The following CMSS1 variants were observed in gnomAD, a reference collection of about 807,000 sequenced individuals.
CMSS1 encodes cms1 ribosomal small subunit homolog.
A neutral mutation model predicts 43.5 loss-of-function variants in CMSS1; 33 were observed. The observed-to-expected ratio is 0.76, with a 90% CI of 0.57 to 1.01. The LOEUF (loss-of-function observed/expected upper bound fraction) is 1.01, where lower values mean the gene tolerates loss of function less well. CMSS1 is among the 50% of genes least tolerant of loss of function. CMSS1 has a pLI of 0.00. For synonymous variants in CMSS1, 115 were observed against 117.2 expected, an observed-to-expected ratio of 0.98 and a Z score of 0.12; for missense variants, 313 against 326.4, an observed-to-expected ratio of 0.96 and a Z score of 0.32.
intron 1 of CMSS1, among the ~76,000 whole-genome samples, chr3:99,979,874 A>G (rs1166012981): frequency 6.6e-6 from 1 of 152,170 alleles, no homozygotes; most frequent in East Asian, 1.9e-4. Context: ...AATTTTGTGT[A>G]TTGTCTTAAA....
chr3:100,060,024 G>C (rs1217756335), intron 1 of CMSS1, among the ~76,000 whole-genome samples: 2 of 151,220 alleles, frequency 1.3e-5, no homozygotes, highest in Non-Finnish European at 2.9e-5. Flanking sequence ...CAGTTTTCCT[G>C]CTGGAGGAGG....
chr3:100,083,493 G>A (rs190064976), intron 1 of CMSS1, among the ~76,000 whole-genome samples: 47 of 152,276 alleles, frequency 3.1e-4, no homozygotes, highest in African/African-American at 1.1e-3. Context: ...AATGCACAGC[G>A]AGATTTCAGA....
chr3:99,948,655 GGGGAA>G (rs1289879129), intron 1 of CMSS1, among the ~76,000 whole-genome samples: 1 of 149,468 alleles, frequency 6.7e-6, no homozygotes, highest in Non-Finnish European at 1.5e-5. Flanking sequence ...GAAAGAAAGA[GGGGAA>G]GGGAAGGGAA....
rs201399704 is a variant in CMSS1 at position 99,866,808 on chromosome 3, C to CT, written c.64+48766dup. On this transcript the variant is annotated intron_variant, in intron 1 of 9. Transcript: ENST00000421999. ...TGAGAGTTTGGGCCATATGCCATCTCTAATTACAGACAGGTGGAAAAGTTT... is the reference window on the plus strand; with the variant it reads ...TGAGAGTTTGGGCCATATGCCATCTCTTAATTACAGACAGGTGGAAAAGTTT... 8.2e-4 allele frequency among the ~76,000 whole-genome samples: 125 copies of CT among 152,286 alleles called. 2 individuals are homozygous for CT. In the East Asian group the frequency reaches 0.024, roughly 29 times the overall value.
Position 99,993,452 on chromosome 3 carries a change from A to G in CMSS1, c.65-153521A>G, listed in dbSNP as rs377079588. The stretch of plus-strand genomic sequence containing the variant: ...GAAAAATTTGTCTTCCTCTTTTCCA[A>G]TTTGAATGCCTCTTATTTCTTTCTC... On this transcript the variant is annotated intron_variant, in intron 1 of 9. Transcript: ENST00000421999. Among the ~76,000 whole-genome samples, 12 of 152,152 alleles carry G rather than the reference A, an allele frequency of 7.9e-5. No homozygotes were observed. In the East Asian group the frequency reaches 1.4e-3, roughly 17 times the overall value.
chr3:99,901,691 C>T (rs1308376269), intron 1 of CMSS1, among the ~76,000 whole-genome samples: 1 of 152,170 alleles, frequency 6.6e-6, no homozygotes, highest in African/African-American at 2.4e-5. Flanking sequence ...TGTAACTCTA[C>T]TCTCAGCCAA....
At chr3:99,830,351 G>C (rs1185876229) in intron 1 of CMSS1, 6 of 362,682 alleles carry the variant, frequency 1.7e-5, no homozygotes, top group Non-Finnish European at 2.8e-5. Flanking sequence ...CTTTCATAGT[G>C]GTAATTTTAG....
chr3:100,038,048 G>A (rs963713248), intron 1 of CMSS1, among the ~76,000 whole-genome samples: 30 of 150,290 alleles, frequency 2.0e-4, no homozygotes, highest in African/African-American at 6.9e-4. Context: ...TCTGCCTCCT[G>A]GGTTCAAGCA....
chr3:100,042,701 G>GT (rs932516016), intron 1 of CMSS1, among the ~76,000 whole-genome samples: 6 of 151,990 alleles, frequency 3.9e-5, no homozygotes, highest in East Asian at 1.9e-4. Flanking sequence ...TAGAGAACAG[G>GT]TTTTTTTTCT....
intron 1 of CMSS1, among the ~76,000 whole-genome samples, chr3:100,133,663 C>T (rs1209152827): frequency 1.3e-5 from 2 of 152,192 alleles, no homozygotes; most frequent in Admixed American, 1.3e-4. Context: ...ATCTCACCCC[C>T]ATCACGTAAG....
intron 2 of CMSS1, among the ~76,000 whole-genome samples, chr3:100,156,270 A>G (rs1469897265): frequency 3.2e-5 from 4 of 124,164 alleles, no homozygotes; most frequent in Non-Finnish European, 6.6e-5. Flanking sequence ...GAGTACAGGT[A>G]TGCGCCACCA....
chr3:99,896,676 A>G (rs1446687120), intron 1 of CMSS1, among the ~76,000 whole-genome samples: 2 of 152,244 alleles, frequency 1.3e-5, no homozygotes, highest in African/African-American at 4.8e-5. Context: ...CATTTAAATT[A>G]TAATTCTACA....
Position 100,090,712 on chromosome 3 carries a change from C to T in CMSS1, c.65-56261C>T, listed in dbSNP as rs554320436. On this transcript the variant is annotated intron_variant, in intron 1 of 9. Coordinates refer to ENST00000421999, the MANE Select transcript of CMSS1 (RefSeq NM_032359.4). ...ATAAGGCTGTATTTAATTAGGACAC[C>T]CAAATGCTCAGGAAAACCTCTCCAT... 2.6e-5 allele frequency among the ~76,000 whole-genome samples: 4 copies of T among 152,224 alleles called. No individual in the cohort carries two copies. The East Asian group carries it at 7.7e-4, about 29-fold the overall frequency.
chr3:99,882,562 C>G (rs1705763889), intron 1 of CMSS1, among the ~76,000 whole-genome samples: 1 of 152,170 alleles, frequency 6.6e-6, no homozygotes, highest in African/African-American at 2.4e-5. Flanking sequence ...AACATCTGAT[C>G]TTCTTATTGC....
At chr3:100,060,156 C>T (rs1015920571) in intron 1 of CMSS1, among the ~76,000 whole-genome samples, 1 of 152,042 alleles carries the variant, frequency 6.6e-6, no homozygotes, top group East Asian at 1.9e-4. Context: ...GGGTGGGCTA[C>T]GGTGCCAGAC....
At chr3:99,993,654 T>C (rs1024294335) in intron 1 of CMSS1, among the ~76,000 whole-genome samples, 1 of 152,164 alleles carries the variant, frequency 6.6e-6, no homozygotes, top group Non-Finnish European at 1.5e-5. Context: ...GTGTTCCTTC[T>C]ATGCCTAGTT....
chr3:100,081,477 C>T (rs1316555014), intron 1 of CMSS1, among the ~76,000 whole-genome samples: 1 of 152,100 alleles, frequency 6.6e-6, no homozygotes, highest in Non-Finnish European at 1.5e-5. Flanking sequence ...ACTTGACAAC[C>T]CTTATCTTCC....
chr3:99,998,799 G>A (rs1002861690), intron 1 of CMSS1, among the ~76,000 whole-genome samples: 1 of 152,186 alleles, frequency 6.6e-6, no homozygotes, highest in African/African-American at 2.4e-5. Context: ...TCGATCTCCT[G>A]ACCTCGTGAT....
chr3:100,073,690 C>G (rs924272100), intron 1 of CMSS1, among the ~76,000 whole-genome samples: 1 of 152,132 alleles, frequency 6.6e-6, no homozygotes, highest in Non-Finnish European at 1.5e-5. Flanking sequence ...GGAAATAACC[C>G]ACTGGTCTGT....
Sources: allele counts gnomAD v4.1 joint callset (sites outside exome capture counted in the v4.1 genomes callset), GRCh38; gene constraint gnomAD v4.1.1; transcripts MANE v1.5; gene names NCBI Gene and HGNC (gene_info 2026-07-23, HGNC 2026-07-21).